CEP43: variants seen among roughly 807,000 people sequenced by gnomAD.
The protein encoded by CEP43 is centrosomal protein 43.
Under a neutral mutation model 52.6 loss-of-function variants are expected in CEP43, and 36 were observed. The observed-to-expected ratio is 0.68, with a 90% CI of 0.52 to 0.90. The LOEUF (loss-of-function observed/expected upper bound fraction) is 0.90, where lower values mean the gene tolerates loss of function less well. Among genes scored for constraint, CEP43 ranks in the 40% least tolerant of loss-of-function variants. The pLI is 0.00. For missense variants in CEP43, 506 were observed against 472.8 expected, an observed-to-expected ratio of 1.07 and a Z score of -0.65; for synonymous variants, 192 against 172.4, an observed-to-expected ratio of 1.11 and a Z score of -0.89.
chr6:167,015,242 C>T (rs576432612), intron 7 of CEP43, among the ~76,000 whole-genome samples: 31 of 152,336 alleles, frequency 2.0e-4, no homozygotes, highest in African/African-American at 7.5e-4. Context: ...GATGCTTCCT[C>T]AATTACTTGG....
Position 167,042,123 on chromosome 6 carries a change from A to G in CEP43, c.*2145A>G. 9.9e-7 allele frequency: 1 copy of G among 1,008,754 alleles called. No homozygotes were observed. The highest frequency in any genetic ancestry group is 1.2e-6 in the Non-Finnish European group (1 of 843,176). The allele number at this position is 1,008,754 out of a possible 1,614,324, so 62.5% of individuals were successfully genotyped here. A position where few individuals can be genotyped will look rare whatever the true frequency, so the allele number is the denominator to read the frequency against. ...TGAACCACCGCACCTGGCCAGTACT[A>G]CATCCATTTTATTGAATGATTTTGA... On this transcript the variant is annotated 3_prime_UTR_variant, in exon 13 of 13. Coordinates refer to ENST00000366847, the MANE Select transcript of CEP43 (RefSeq NM_007045.4).
intron 5 of CEP43, among the ~76,000 whole-genome samples, chr6:167,007,363 C>G (rs1779878282): frequency 6.6e-6 from 1 of 152,124 alleles, no homozygotes; most frequent in African/African-American, 2.4e-5. Context: ...GTGATTCTGT[C>G]AAATAGAGCC....
Position 167,040,208 on chromosome 6 carries a change from T to A in CEP43, c.*230T>A. 2 of 1,526,918 alleles carry A rather than the reference T, an allele frequency of 1.3e-6. No individual in the cohort carries two copies. Among genetic ancestry groups the A allele is most frequent in the Non-Finnish European group, 1.7e-6 (2 of 1,144,394 alleles). 94.6% of individuals were successfully genotyped at this position (1,526,918 alleles called of 1,614,324 possible). A position where few individuals can be genotyped will look rare whatever the true frequency, so the allele number is the denominator to read the frequency against. ...ATTCTTAATTTAACTGTACATTTCT[T>A]TATGGAAATTGATTATCTACACTCA... On this transcript the variant is annotated 3_prime_UTR_variant, in exon 13 of 13. Coordinates refer to ENST00000366847, the MANE Select transcript of CEP43 (RefSeq NM_007045.4).
In CEP43 at chr6:167,032,622, CTA is replaced by C; in HGVS notation, c.1010_1011del (p.Tyr337CysfsTer2). ...LGLGTGEDDD[Y>X]VDDFNSTSHR... ...TATCAGGAACTGGAGAAGATGATGA[CTA>C]TGTTGATGATTTTAATAGGTAAGAA... On this transcript the variant is annotated frameshift_variant, in exon 11 of 13. Transcript: ENST00000366847. LOFTEE classifies it high-confidence loss of function. 1 of 1,577,990 alleles carries C rather than the reference CTA, an allele frequency of 6.3e-7. No individual in the cohort carries two copies. The highest frequency in any genetic ancestry group is 8.6e-7 in the Non-Finnish European group (1 of 1,157,854).
chr6:167,040,255 C>A lies in CEP43; in HGVS notation c.*277C>A. On this transcript the variant is annotated 3_prime_UTR_variant, in exon 13 of 13. Coordinates refer to ENST00000366847, the MANE Select transcript of CEP43 (RefSeq NM_007045.4). ...CTCAGTTTCATTACAGGGAAGGAAC[C>A]CATGAAAACATCAGTGTTAAGAGCA... is the stretch of plus-strand genomic sequence containing the variant. 6.7e-7 allele frequency: 1 copy of A among 1,503,064 alleles called. No individual in the cohort carries two copies. The highest frequency in any genetic ancestry group is 1.3e-5 in the South Asian group (1 of 77,330). 93.1% of individuals were successfully genotyped at this position (1,503,064 alleles called of 1,614,324 possible). A position where few individuals can be genotyped will look rare whatever the true frequency, so the allele number is the denominator to read the frequency against.
At chr6:167,002,911 T>C (rs1779770098) in intron 2 of CEP43, among the ~76,000 whole-genome samples, 1 of 152,224 alleles carries the variant, frequency 6.6e-6, no homozygotes, top group Non-Finnish European at 1.5e-5. Flanking sequence ...TAATAAACAG[T>C]TGTTGACATT....
At chr6:167,017,005 T>A (rs867694695) in intron 7 of CEP43, among the ~76,000 whole-genome samples, 29 of 149,538 alleles carry the variant, frequency 1.9e-4, no homozygotes, top group South Asian at 2.1e-4. Flanking sequence ...TTTTTTTTTT[T>A]ATTTTTTTGA....
intron 12 of CEP43, chr6:167,036,813 T>G (rs1780594177): frequency 1.0e-6 from 1 of 977,276 alleles, no homozygotes; most frequent in African/African-American, 1.8e-5. Context: ...TTTTTGTTTT[T>G]GTTTTTGTTT....
At position 167,008,629 on chromosome 6, in the gene CEP43, G is replaced by A. The variant is rs541165526; in HGVS notation, c.439-2184G>A. Among the ~76,000 whole-genome samples the A allele has an allele frequency of 2.2e-3, 333 of 151,922 alleles. 1 individual carries two copies. Among genetic ancestry groups the A allele is most frequent in the African/African-American group, 7.2e-3 (299 of 41,418 alleles). On this transcript the variant is annotated intron_variant, in intron 5 of 12. Coordinates refer to ENST00000366847, the MANE Select transcript of CEP43 (RefSeq NM_007045.4). Reference sequence around the variant, plus strand: ...ACTACAGGCAGCCACCACCACACCCGGCTAATTTTTTTTATTTTTTTATTT... The same window carrying A: ...ACTACAGGCAGCCACCACCACACCCAGCTAATTTTTTTTATTTTTTTATTT...
chr6:167,036,627 G>A (rs1000276060), intron 12 of CEP43: 1 of 985,274 alleles, frequency 1.0e-6, no homozygotes, highest in Non-Finnish European at 1.2e-6. Context: ...CCGTCGATTT[G>A]TATGAAGCTT....
chr6:167,040,474 T>G lies in CEP43; in HGVS notation c.*496T>G. ...GGTAAATTTGTAATGCTGAAGTATA[T>G]TAGTATAAGTTAAATTTGATGTGTC... On this transcript the variant is annotated 3_prime_UTR_variant, in exon 13 of 13. Coordinates refer to ENST00000366847, the MANE Select transcript of CEP43 (RefSeq NM_007045.4). 1 of 1,164,154 alleles carries G rather than the reference T, an allele frequency of 8.6e-7. No homozygotes were observed. The highest frequency in any genetic ancestry group is 1.1e-6 in the Non-Finnish European group (1 of 940,168). 72.1% of individuals were successfully genotyped at this position (1,164,154 alleles called of 1,614,324 possible).
chr6:167,039,922 G>T lies in CEP43; in HGVS notation c.1144G>T (p.Asp382Tyr). ...AACAAAGCTTGATGACCTCACACAA[G>T]ATCTGACTGTATCCCAGCTCAGTGA... ...TSDKLDDLTQ[D>Y]LTVSQLSDVA... is the part of the protein sequence containing the mutation. The change falls in exon 13 of 13, where the codon GAT becomes TAT. Residue 382 changes from aspartate to tyrosine, a missense_variant. Coordinates refer to ENST00000366847, the MANE Select transcript of CEP43 (RefSeq NM_007045.4). The T allele has an allele frequency of 6.2e-7, 1 of 1,613,498 alleles. No homozygotes were observed. Among genetic ancestry groups the T allele is most frequent in the Non-Finnish European group, 8.5e-7 (1 of 1,179,522 alleles).
intron 12 of CEP43, chr6:167,036,004 C>T: frequency 2.1e-6 from 2 of 946,812 alleles, no homozygotes; most frequent in Non-Finnish European, 2.5e-6. Context: ...GTATCTAATA[C>T]TATTATTCAT....
chr6:167,027,508 T>A (rs1780380741), intron 10 of CEP43, among the ~76,000 whole-genome samples: 1 of 152,140 alleles, frequency 6.6e-6, no homozygotes. Context: ...ACAGGCAGGT[T>A]AGGGAGAAAG....
chr6:167,007,454 C>T (rs1779880751), intron 5 of CEP43, among the ~76,000 whole-genome samples: 1 of 152,202 alleles, frequency 6.6e-6, no homozygotes, highest in East Asian at 1.9e-4. Context: ...CATCTCATCT[C>T]CATTTTTTGC....
intron 10 of CEP43, chr6:167,028,200 GCT>G: frequency 1.0e-6 from 1 of 985,338 alleles, no homozygotes; most frequent in Non-Finnish European, 1.2e-6. Flanking sequence ...AAACCTTTTA[GCT>G]TTTTTCTCTG....
rs1184975655 is a variant in CEP43 at position 167,013,625 on chromosome 6, G to C, written c.579+58G>C. 6.4e-6 allele frequency: 9 copies of C among 1,395,900 alleles called. No homozygotes were observed. The East Asian group carries it at 2.1e-4, about 32-fold the overall frequency. The allele number at this position is 1,395,900 out of a possible 1,614,324, so 86.5% of individuals were successfully genotyped here. A position where few individuals can be genotyped will look rare whatever the true frequency, so the allele number is the denominator to read the frequency against. On this transcript the variant is annotated intron_variant, in intron 7 of 12. Coordinates refer to ENST00000366847, the MANE Select transcript of CEP43 (RefSeq NM_007045.4). Reference sequence around the variant, plus strand: ...CCTGTGGGCATCAGGTCTCGACTCTGGGGCCTCCTGGAGCGCTGGGCTCCT... The same window carrying C: ...CCTGTGGGCATCAGGTCTCGACTCTCGGGCCTCCTGGAGCGCTGGGCTCCT...
intron 10 of CEP43, among the ~76,000 whole-genome samples, chr6:167,027,493 G>C (rs1780380451): frequency 6.6e-6 from 1 of 152,204 alleles, no homozygotes; most frequent in African/African-American, 2.4e-5. Flanking sequence ...CATTGGAAGA[G>C]CTTCACAGGC....
intron 9 of CEP43, 83 bp downstream of exon 9, chr6:167,024,977 T>TC (rs1468494124): frequency 1.3e-6 from 1 of 787,166 alleles, no homozygotes; most frequent in African/African-American, 1.7e-5. Context: ...TGATTTTTTT[T>TC]CCCAGGAAAA....
Sources: gnomAD v4.1 joint callset for allele counts (sites outside exome capture counted in the v4.1 genomes callset) on GRCh38, gnomAD v4.1.1 for gene constraint, MANE v1.5 for transcripts, NCBI Gene and HGNC (gene_info 2026-07-23, HGNC 2026-07-21) for gene names.